Variants in SLC29A4 observed in about 807,000 individuals in gnomAD.
SLC29A4 encodes solute carrier family 29 member 4.
Under a neutral mutation model 43.9 loss-of-function variants are expected in SLC29A4, and 36 were observed. The observed-to-expected ratio is 0.82, with a 90% CI of 0.63 to 1.08. SLC29A4 has a LOEUF of 1.08. Among genes scored for constraint, SLC29A4 ranks in the 50% least tolerant of loss-of-function variants. The pLI, the probability that SLC29A4 is intolerant of heterozygous loss-of-function variation, is 0.00. For synonymous variants in SLC29A4, 491 were observed against 338.0 expected (o/e 1.45, Z -4.97); for missense variants, 869 against 755.3 (o/e 1.15, Z -1.77).
rs1244203875 is a variant in SLC29A4 at position 5,303,373 on chromosome 7, C to T, written c.*434C>T. 4 of 214,488 alleles carry T rather than the reference C, an allele frequency of 1.9e-5. No homozygotes were observed. Among genetic ancestry groups the T allele is most frequent in the South Asian group, 7.3e-5 (1 of 13,746 alleles). The allele number at this position is 214,488 out of a possible 1,614,324, so 13.3% of individuals were successfully genotyped here. A position where few individuals can be genotyped will look rare whatever the true frequency, so the allele number is the denominator to read the frequency against. On this transcript the variant is annotated 3_prime_UTR_variant, in exon 11 of 11. Transcript: ENST00000396872. ...TCGGGGCACCGCCTGGCCCAGCCTCCACCAGGGACCCCTCCTCATGAACTC... is the reference window on the plus strand; with the variant it reads ...TCGGGGCACCGCCTGGCCCAGCCTCTACCAGGGACCCCTCCTCATGAACTC...
chr7:5,288,266 G>A (rs1264439966), intron 2 of SLC29A4, among the ~76,000 whole-genome samples: 1 of 149,238 alleles, frequency 6.7e-6, no homozygotes, highest in Non-Finnish European at 1.5e-5. Flanking sequence ...TGGGTGAAGG[G>A]ACCATGGCTC....
chr7:5,303,312 G>A lies in SLC29A4; in HGVS notation c.*373G>A, dbSNP rs1254616802. ...ACCCGCCAGAGTGTGCGCGCCCAGT[G>A]ACTGCACCCCGGCCCTCATCACCCA... is the stretch of plus-strand genomic sequence containing the variant. On this transcript the variant is annotated 3_prime_UTR_variant, in exon 11 of 11. Coordinates refer to ENST00000396872, the MANE Select transcript of SLC29A4 (RefSeq NM_153247.4). The A allele has an allele frequency of 3.2e-6, 1 of 308,328 alleles. No individual in the cohort carries two copies. The highest frequency in any genetic ancestry group is 2.2e-5 in the African/African-American group (1 of 44,768). The allele number at this position is 308,328 out of a possible 1,614,324, so 19.1% of individuals were successfully genotyped here.
chr7:5,302,288 C>T (rs764171860), intron 10 of SLC29A4, among the ~76,000 whole-genome samples: 65 of 152,154 alleles, frequency 4.3e-4, no homozygotes, highest in Non-Finnish European at 8.4e-4. Context: ...TAGGGCCAGG[C>T]TCACTGGCTC....
rs140096518 is a variant in SLC29A4, at chr7:5,302,876, C to T, written c.1530C>T (p.Arg510=). ...AVAYCTYSLT[R]DAHGSCLHAS... The stretch of plus-strand genomic sequence containing the variant: ...CCTACTGCACCTACAGCCTCACCCG[C>T]GACGCTCACGGCAGCTGCCTGCACG... Residue 510 remains arginine, a synonymous_variant, in exon 11 of 11, where the codon CGC becomes CGT. Coordinates refer to ENST00000396872, the MANE Select transcript of SLC29A4 (RefSeq NM_153247.4). 17 of 1,604,586 alleles carry T rather than the reference C, an allele frequency of 1.1e-5. No individual in the cohort carries two copies. The highest frequency in any genetic ancestry group is 4.0e-5 in the African/African-American group (3 of 74,750).
chr7:5,290,301 G>A (rs1197829275), intron 2 of SLC29A4, among the ~76,000 whole-genome samples: 1 of 152,126 alleles, frequency 6.6e-6, no homozygotes, highest in Non-Finnish European at 1.5e-5. Context: ...CTGACCTCGT[G>A]ATCCGCCCGT....
intron 2 of SLC29A4, among the ~76,000 whole-genome samples, chr7:5,288,802 T>C (rs1241057640): frequency 1.3e-5 from 2 of 152,184 alleles, no homozygotes; most frequent in African/African-American, 4.8e-5. Flanking sequence ...CATTGAAGAA[T>C]TGGGCCAACT....
intron 5 of SLC29A4, among the ~76,000 whole-genome samples, chr7:5,293,162 CTT>C (rs58758343): frequency 4.5e-4 from 53 of 117,264 alleles, no homozygotes; most frequent in African/African-American, 1.5e-3. Flanking sequence ...TTTTTTTTCT[CTT>C]TTTTTTTTTT....
At chr7:5,287,171 A>G (rs1583647621) in intron 1 of SLC29A4, among the ~76,000 whole-genome samples, 1 of 152,048 alleles carries the variant, frequency 6.6e-6, no homozygotes, top group Non-Finnish European at 1.5e-5. Context: ...TACGCCTGTA[A>G]CCCCCGCACT....
In SLC29A4 at chr7:5,303,876, C is replaced by A. The variant is rs1652143526; in HGVS notation, c.*937C>A. On this transcript the variant is annotated 3_prime_UTR_variant, in exon 11 of 11. Coordinates refer to ENST00000396872, the MANE Select transcript of SLC29A4 (RefSeq NM_153247.4). ...AACACCAGGCCCGTGTGGGTGGCAC[C>A]CTGAGGTCAGGGGATCCTAAGGGTG... 6.6e-6 allele frequency: 1 copy of A among 152,184 alleles called. No individual in the cohort carries two copies. Among genetic ancestry groups the A allele is most frequent in the African/African-American group, 2.4e-5 (1 of 41,436 alleles). The allele number at this position is 152,184 out of a possible 1,614,324, so 9.4% of individuals were successfully genotyped here.
chr7:5,288,137 C>G (rs559145215), intron 2 of SLC29A4, 152 bp downstream of exon 2: 2 of 1,044,502 alleles, frequency 1.9e-6, no homozygotes, highest in Non-Finnish European at 2.7e-6. Context: ...TGCTGCATAA[C>G]AAACACGCCC....
intron 1 of SLC29A4, among the ~76,000 whole-genome samples, chr7:5,287,529 G>A (rs1188126266): frequency 2.0e-5 from 3 of 152,222 alleles, no homozygotes; most frequent in African/African-American, 7.2e-5. Context: ...TACAGTCCCG[G>A]CCGCATGGCA....
In SLC29A4 at chr7:5,290,804, T is replaced by A; in HGVS notation, c.242T>A (p.Phe81Tyr). 6.2e-7 allele frequency: 1 copy of A among 1,614,100 alleles called. No individual in the cohort carries two copies. Among genetic ancestry groups the A allele is most frequent in the African/African-American group, 1.3e-5 (1 of 75,054 alleles). ...YFAMLLAGVGFLLPYNSFITD... is the reference protein window; with the variant it reads ...YFAMLLAGVGYLLPYNSFITD... ...GCGATGCTGCTGGCTGGCGTGGGCT[T>A]CCTGCTGCCATACAACAGCTTCATC... Residue 81 changes from phenylalanine to tyrosine, a missense_variant, in exon 3 of 11, where the codon TTC becomes TAC. Physicochemically the swap from Phe to Tyr is conservative, Grantham distance 22 (BLOSUM62 3). Transcript: ENST00000396872.
rs1182131019 is a variant in SLC29A4 at position 5,297,023 on chromosome 7, T to C, written c.707T>C (p.Leu236Pro). Residue 236 changes from leucine to proline, a missense_variant, in exon 7 of 11, where the codon CTG becomes CCG. Physicochemically the swap from Leu to Pro is moderately conservative, Grantham distance 98 (BLOSUM62 -3). Transcript: ENST00000396872. ...DERASTLIFF[L>P]VSVALELLCF... ...CGCGCCAGCACGCTCATCTTCTTCC[T>C]GGTGTCGGTGGCGCTGGAGCTGCTG... 1 of 1,606,340 alleles carries C rather than the reference T, an allele frequency of 6.2e-7. No individual in the cohort carries two copies.
Position 5,290,811 on chromosome 7 carries a change from G to T in SLC29A4, c.249G>T (p.Leu83=). ...TGCTGGCTGGCGTGGGCTTCCTGCTGCCATACAACAGCTTCATCACGGACG... is the reference window on the plus strand; with the variant it reads ...TGCTGGCTGGCGTGGGCTTCCTGCTTCCATACAACAGCTTCATCACGGACG... ...AMLLAGVGFL[L]PYNSFITDVD... The change falls in exon 3 of 11, where the codon CTG becomes CTT. Residue 83 remains leucine, a synonymous_variant. Coordinates refer to ENST00000396872, the MANE Select transcript of SLC29A4 (RefSeq NM_153247.4). The T allele has an allele frequency of 6.2e-7, 1 of 1,614,040 alleles. No homozygotes were observed. Among genetic ancestry groups the T allele is most frequent in the Non-Finnish European group, 8.5e-7 (1 of 1,179,976 alleles).
At chr7:5,300,966 G>A (rs1482310141) in intron 10 of SLC29A4, among the ~76,000 whole-genome samples, 1 of 152,184 alleles carries the variant, frequency 6.6e-6, no homozygotes, top group African/African-American at 2.4e-5. Flanking sequence ...TCCAGATGTG[G>A]AGGCAGCCCA....
rs778766091 is a variant in SLC29A4 at position 5,298,978 on chromosome 7, C to G, written c.883-10C>G. 26 of 1,605,988 alleles carry G rather than the reference C, an allele frequency of 1.6e-5. No homozygotes were observed. The highest frequency in any genetic ancestry group is 5.1e-6 in the Non-Finnish European group (6 of 1,178,852). ...CACTCCAACCCCATCCCACTCCATC[C>G]TCCCTCCAGGAGCACCCAGCCCCGG... On this transcript the variant is annotated splice_polypyrimidine_tract_variant and intron_variant, in intron 7 of 10. Transcript: ENST00000396872.
rs1285400251 is a variant in SLC29A4, at chr7:5,306,163, T to C, written c.*3224T>C. The C allele has an allele frequency of 2.0e-5, 3 of 151,126 alleles. No homozygotes were observed. The highest frequency in any genetic ancestry group is 4.4e-5 in the Non-Finnish European group (3 of 67,864). The allele number at this position is 151,126 out of a possible 1,614,324, so 9.4% of individuals were successfully genotyped here. On this transcript the variant is annotated 3_prime_UTR_variant, in exon 11 of 11. Coordinates refer to ENST00000396872, the MANE Select transcript of SLC29A4 (RefSeq NM_153247.4). ...CGTGCCCATCCAACTTAACTTTTAA[T>C]TTTTTCTCATGTAAATTTGTTCAAT...
intron 2 of SLC29A4, 82 bp downstream of exon 2, chr7:5,288,067 C>T (rs1305326557): frequency 5.9e-5 from 87 of 1,477,126 alleles, no homozygotes; most frequent in Admixed American, 1.3e-4. Context: ...CTTGCGGTAT[C>T]GGGGAGCCAT....
rs775099001 is a variant in SLC29A4 at position 5,300,499 on chromosome 7, C to T, written c.1287C>T (p.Pro429=). 6.8e-6 allele frequency: 11 copies of T among 1,611,890 alleles called. No individual in the cohort carries two copies. In the African/African-American group the frequency reaches 1.2e-4, roughly 18 times the overall value. Residue 429 remains proline (P), a synonymous_variant, in exon 10 of 11, where the codon CCC becomes CCT. Transcript: ENST00000396872. The part of the protein sequence containing the change: ...ACSCLRVVFI[P]LFILCVYPSG... ...CCTGCCTGCGTGTGGTCTTCATCCC[C>T]CTCTTCATCCTGTGCGTCTACCCCA...
Sources: allele counts gnomAD v4.1 joint callset (sites outside exome capture counted in the v4.1 genomes callset), GRCh38; gene constraint gnomAD v4.1.1; transcripts MANE v1.5; gene names NCBI Gene and HGNC (gene_info 2026-07-23, HGNC 2026-07-21).